Variants in KDM2B observed in about 807,000 individuals in gnomAD.
KDM2B encodes the protein lysine demethylase 2B.
KDM2B carries 26 observed loss-of-function variants against 150.0 expected under a neutral mutation model. The observed-to-expected ratio is 0.17, with a 90% CI of 0.13 to 0.24. The LOEUF is 0.24. Ranked by LOEUF, KDM2B falls within the 10% of genes least tolerant of loss-of-function variation. The probability of loss-of-function intolerance (pLI) is 1.00; values close to 1 mark genes in which losing one functional copy is unlikely to be tolerated. For missense variants in KDM2B, 1,265 were observed against 1,816.9 expected, an observed-to-expected ratio of 0.70 and a Z score of 5.52; for synonymous variants, 734 against 729.5, an observed-to-expected ratio of 1.01 and a Z score of -0.10.
At chr12:121,425,548 C>T (rs1555284116), downstream of KDM2B, among the ~76,000 whole-genome samples, 1 of 151,782 alleles carries the variant, frequency 6.6e-6, no homozygotes, top group Admixed American at 6.6e-5. Flanking sequence ...CCTGTGAACA[C>T]CAGGAGGCAG....
intron 12 of KDM2B, among the ~76,000 whole-genome samples, chr12:121,488,446 G>A (rs1410647752): frequency 6.6e-6 from 1 of 152,122 alleles, no homozygotes; most frequent in African/African-American, 2.4e-5. Context: ...CCGCAAGAAA[G>A]GCGCTGTTAG....
chr12:121,521,104 G>A lies in KDM2B; in HGVS notation c.932-4C>T. Reference sequence around the variant, plus strand: ...GTGTAGACGGCATGGATCCAACCTGGGGTGGGAAGGGCAAGGAGAGGATGA... The same window carrying A: ...GTGTAGACGGCATGGATCCAACCTGAGGTGGGAAGGGCAAGGAGAGGATGA... On this transcript the variant is annotated splice_region_variant and splice_polypyrimidine_tract_variant and intron_variant, in intron 8 of 22. Transcript: ENST00000377071. The surrounding 1 kb of genome is among the most constrained non-coding windows in gnomAD (Gnocchi z 4.9). The A allele has an allele frequency of 1.9e-6, 3 of 1,606,242 alleles. No homozygotes were observed. The highest frequency in any genetic ancestry group is 1.1e-5 in the South Asian group (1 of 90,920).
Position 121,494,602 on chromosome 12 carries a change from T to C in KDM2B, c.1711A>G (p.Thr571Ala), listed in dbSNP as rs1883715071. The C allele has an allele frequency of 1.2e-6, 2 of 1,613,526 alleles. No homozygotes were observed. Among genetic ancestry groups the C allele is most frequent in the Non-Finnish European group, 1.7e-6 (2 of 1,179,760 alleles). Residue 571 changes from threonine to alanine, a missense_variant, in exon 12 of 23, where the codon ACT becomes GCT. Around this residue, in one of 11 missense-constraint regions of KDM2B, gnomAD observed 69 missense variants for 85.7 expected, o/e 0.81. Transcript: ENST00000377071. ...ACCTTTGGAGTCTTCTTTGGCCAAG[T>C]CACCACAGGGACCCCAGTGATGGCC... ...SLAITGVPVV[T>A]WPKKTPKNRA... is the part of the protein sequence containing the mutation.
chr12:121,449,281 G>A (rs1876823535), intron 13 of KDM2B, among the ~76,000 whole-genome samples: 1 of 152,114 alleles, frequency 6.6e-6, no homozygotes, highest in Non-Finnish European at 1.5e-5. Context: ...GGCTACGGAG[G>A]CAGCCCCAGC....
the KDM2B span, among the ~76,000 whole-genome samples, chr12:121,423,037 AC>A: frequency 2.0e-5 from 3 of 152,234 alleles, no homozygotes; most frequent in African/African-American, 7.2e-5. The surrounding 1 kb of genome is among the most constrained non-coding windows in gnomAD (Gnocchi z 4.3). Flanking sequence ...AAGCCCATCT[AC>A]AGAAGACCAG....
In KDM2B at chr12:121,467,237, C is replaced by T; in HGVS notation, c.1735-13893G>A. The stretch of plus-strand genomic sequence containing the variant: ...GGCTCATGGTGGGCCCAGGCTCGCG[C>T]GCGCTGACATGGCTGGAGCGGCGCC... On this transcript the variant is annotated intron_variant, in intron 12 of 22. Coordinates refer to ENST00000377071, the MANE Select transcript of KDM2B (RefSeq NM_032590.5). This position sits in a 1 kb window ranked among gnomAD's most constrained non-coding sequence, Gnocchi z 5.1. 1 of 1,018,656 alleles carries T rather than the reference C, an allele frequency of 9.8e-7. No homozygotes were observed. The highest frequency in any genetic ancestry group is 5.7e-5 in the Admixed American group (1 of 17,610). 63.1% of individuals were successfully genotyped at this position (1,018,656 alleles called of 1,614,324 possible). A position where few individuals can be genotyped will look rare whatever the true frequency, so the allele number is the denominator to read the frequency against.
chr12:121,509,096 TTG>T (rs1885348708), intron 11 of KDM2B, among the ~76,000 whole-genome samples: 1 of 152,122 alleles, frequency 6.6e-6, no homozygotes, highest in Admixed American at 6.6e-5. Flanking sequence ...TCTTGCTCTG[TTG>T]CCCAGGCTGG....
At chr12:121,437,685 C>G (rs1386068636) in intron 22 of KDM2B, among the ~76,000 whole-genome samples, 1 of 152,140 alleles carries the variant, frequency 6.6e-6, no homozygotes, top group East Asian at 1.9e-4. Context: ...GTAAATTTTC[C>G]ACGATGGAAT....
chr12:121,417,770 G>C, the KDM2B span: 1 of 1,614,190 alleles, frequency 6.2e-7, no homozygotes, highest in East Asian at 2.2e-5. This position sits in a 1 kb window ranked among gnomAD's most constrained non-coding sequence, Gnocchi z 5.0. Context: ...CAAGCAGTCT[G>C]AATTCTTCAA....
chr12:121,527,092 G>C (rs1566378218), intron 8 of KDM2B, among the ~76,000 whole-genome samples: 1 of 151,816 alleles, frequency 6.6e-6, no homozygotes, highest in Admixed American at 6.5e-5. Flanking sequence ...CTGTCGCCCA[G>C]GCTGGAGTGC....
chr12:121,466,512 C>T (rs1169979633), intron 12 of KDM2B, among the ~76,000 whole-genome samples: 2 of 151,898 alleles, frequency 1.3e-5, no homozygotes, highest in East Asian at 3.9e-4. Flanking sequence ...TCGCGGCTTC[C>T]TCCGCCGCCG....
rs1459121085 is a variant in KDM2B, at chr12:121,520,600, C to T, written c.1047+385G>A. 6.6e-6 allele frequency among the ~76,000 whole-genome samples: 1 copy of T among 152,136 alleles called. No individual in the cohort carries two copies. The highest frequency in any genetic ancestry group is 1.9e-4 in the East Asian group (1 of 5,178). ...ACCTGACCTCAGACCAGGACAGGCCCTTCCAAGGTCCACACCCATCCTCCA... is the reference window on the plus strand; with the variant it reads ...ACCTGACCTCAGACCAGGACAGGCCTTTCCAAGGTCCACACCCATCCTCCA... On this transcript the variant is annotated intron_variant, in intron 9 of 22. Transcript: ENST00000377071. This position sits in a 1 kb window ranked among gnomAD's most constrained non-coding sequence, Gnocchi z 4.5.
chr12:121,504,373 A>T (rs756668178), intron 11 of KDM2B, among the ~76,000 whole-genome samples: 16 of 152,264 alleles, frequency 1.1e-4, no homozygotes, highest in Middle Eastern at 3.4e-3. Context: ...AGTCTCTACA[A>T]ATAATGAAAA....
intron 12 of KDM2B, among the ~76,000 whole-genome samples, chr12:121,485,606 C>CG (rs1260561437): frequency 4.0e-5 from 6 of 151,372 alleles, no homozygotes; most frequent in African/African-American, 1.2e-4. Context: ...AACTTTCCGT[C>CG]GGGGGGCAGT....
At position 121,520,944 on chromosome 12, in the gene KDM2B, G is replaced by A. The variant is rs1886630946; in HGVS notation, c.1047+41C>T. The A allele has an allele frequency of 6.6e-7, 1 of 1,506,050 alleles. No homozygotes were observed. Among genetic ancestry groups the A allele is most frequent in the Non-Finnish European group, 9.2e-7 (1 of 1,082,876 alleles). 93.3% of individuals were successfully genotyped at this position (1,506,050 alleles called of 1,614,324 possible). On this transcript the variant is annotated intron_variant, in intron 9 of 22. Coordinates refer to ENST00000377071, the MANE Select transcript of KDM2B (RefSeq NM_032590.5). The surrounding 1 kb of genome is among the most constrained non-coding windows in gnomAD (Gnocchi z 4.5). ...CACACCGAGCACCGGCAGAGCTCAGGGGCCAGGCGCGCACGCGAGGACAGA... is the reference window on the plus strand; with the variant it reads ...CACACCGAGCACCGGCAGAGCTCAGAGGCCAGGCGCGCACGCGAGGACAGA...
rs782769923 is a variant in KDM2B at position 121,453,276 on chromosome 12, C to A, written c.1803G>T (p.Arg601=). 1.4e-5 allele frequency: 23 copies of A among 1,607,122 alleles called. No individual in the cohort carries two copies. Among genetic ancestry groups the A allele is most frequent in the Non-Finnish European group, 1.4e-5 (16 of 1,177,146 alleles). ...PASAVKLAAN[R]TTAGARRRRT... ...GGCGCCGCCGAGCTCCTGCCGTTGT[C>A]CGGTTGGCGGCCAACTTCACCGCGG... The change falls in exon 13 of 23, where the codon CGG becomes CGT. Residue 601 remains arginine, a synonymous_variant. Coordinates refer to ENST00000377071, the MANE Select transcript of KDM2B (RefSeq NM_032590.5). The surrounding 1 kb of genome is among the most constrained non-coding windows in gnomAD (Gnocchi z 6.4).
intron 8 of KDM2B, among the ~76,000 whole-genome samples, chr12:121,523,548 C>A (rs1299862941): frequency 1.3e-5 from 2 of 152,244 alleles, no homozygotes; most frequent in Non-Finnish European, 2.9e-5. Context: ...CAATGAAACA[C>A]GCCAGCCCTG....
chr12:121,556,324 C>A (rs1396151946), intron 4 of KDM2B, among the ~76,000 whole-genome samples: 1 of 151,770 alleles, frequency 6.6e-6, no homozygotes, highest in Non-Finnish European at 1.5e-5. Flanking sequence ...TGGGCTCAAG[C>A]GATCCTCCTA....
chr12:121,580,928 G>C lies in KDM2B; in HGVS notation c.-17C>G, dbSNP rs374373016. The C allele has an allele frequency of 5.6e-6, 9 of 1,612,358 alleles. No individual in the cohort carries two copies. The African/African-American group carries it at 6.7e-5, about 12-fold the overall frequency. On this transcript the variant is annotated 5_prime_UTR_variant, in exon 1 of 23. Coordinates refer to ENST00000377071, the MANE Select transcript of KDM2B (RefSeq NM_032590.5). ...ACCCGCCATGTGGAGGAGGCATTTG[G>C]GGGGCTCAGAAGGAAATTAGCTCGG...
Sources: gnomAD v4.1 joint callset for allele counts (sites outside exome capture counted in the v4.1 genomes callset) on GRCh38, gnomAD v4.1.1 for gene constraint, gnomAD v4.1.1 regional missense constraint, Gnocchi (gnomAD v3.1) non-coding constraint, MANE v1.5 for transcripts, NCBI Gene and HGNC (gene_info 2026-07-23, HGNC 2026-07-21) for gene names.